UNC45A: variants seen among roughly 807,000 people sequenced by gnomAD.
UNC45A encodes protein unc-45 homolog A.
UNC45A carries 78 observed loss-of-function variants against 103.2 expected under a neutral mutation model. That is an observed-to-expected ratio of 0.76 (90% CI 0.63 to 0.91). The LOEUF (loss-of-function observed/expected upper bound fraction) is 0.91, where lower values mean the gene tolerates loss of function less well. Ranked by LOEUF, UNC45A falls within the 40% of genes least tolerant of loss-of-function variation. UNC45A has a pLI of 0.00. For missense variants in UNC45A, 1,193 were observed against 1,224.8 expected, an observed-to-expected ratio of 0.97 and a Z score of 0.39; for synonymous variants, 495 against 504.6, an observed-to-expected ratio of 0.98 and a Z score of 0.25.
upstream of UNC45A, chr15:90,934,850 T>C (rs2035920750): frequency 1.4e-5 from 6 of 417,600 alleles, no homozygotes; most frequent in South Asian, 4.2e-4. Context: ...GTCCTGAGCT[T>C]TCTCCGGACT....
At chr15:90,930,852 T>A (rs1304419874), upstream of UNC45A, 2 of 219,414 alleles carry the variant, frequency 9.1e-6, no homozygotes, top group Non-Finnish European at 1.9e-5. Flanking sequence ...ACACAATTAG[T>A]CCTGCTTTGC....
Position 90,940,485 on chromosome 15 carries a change from G to A in UNC45A, c.687+12G>A. ...AGCATCAGTCACGGGTAGGTGGAGT[G>A]GAGAGGCTGGTTACAGCTTCAGTCC... On this transcript the variant is annotated intron_variant, in intron 6 of 19. Transcript: ENST00000418476. 6.2e-7 allele frequency: 1 copy of A among 1,605,812 alleles called. No homozygotes were observed. Among genetic ancestry groups the A allele is most frequent in the Non-Finnish European group, 8.5e-7 (1 of 1,174,348 alleles).
At chr15:90,936,537 T>C in intron 4 of UNC45A, 77 bp downstream of exon 4, 1 of 1,501,174 alleles carries the variant, frequency 6.7e-7, no homozygotes, top group South Asian at 1.3e-5. Context: ...GACACAGTTC[T>C]CCAGACGAGA....
At chr15:90,935,462 CGAT>C in intron 1 of UNC45A, 79 bp from the exon 2 acceptor site, 1 of 1,576,054 alleles carries the variant, frequency 6.3e-7, no homozygotes. Flanking sequence ...AGGCTCGCCC[CGAT>C]CCCTCCTCTC....
upstream of UNC45A, chr15:90,931,135 G>GA (rs2151347501): frequency 2.8e-6 from 3 of 1,060,996 alleles, no homozygotes; most frequent in South Asian, 1.6e-5. Flanking sequence ...TTCAGACTGA[G>GA]AAAAAATGCA....
At position 90,935,690 on chromosome 15, in the gene UNC45A, C is replaced by T. The variant is rs2151353687; in HGVS notation, c.198C>T (p.Ala66=). 1 of 1,564,484 alleles carries T rather than the reference C, an allele frequency of 6.4e-7. No homozygotes were observed. The highest frequency in any genetic ancestry group is 2.3e-5 in the East Asian group (1 of 44,432). ...CCGTTCTGCACCGGAACCGGGCCGC[C>T]TGCCACCTCAAGCTGGTGAGGGAGC... The part of the protein sequence containing the change: ...DQAVLHRNRA[A]CHLKLEDYDK... Residue 66 remains alanine, a synonymous_variant, in exon 2 of 20, where the codon GCC becomes GCT. Coordinates refer to ENST00000418476, the MANE Select transcript of UNC45A (RefSeq NM_018671.5).
chr15:90,936,378 T>C lies in UNC45A; in HGVS notation c.344T>C (p.Leu115Pro). The change falls in exon 4 of 20, where the codon CTG (leucine) becomes CCG (proline). Residue 115 changes from leucine to proline, a missense_variant. Physicochemically the swap from Leu to Pro is moderately conservative, Grantham distance 98 (BLOSUM62 -3). Transcript: ENST00000418476. The stretch of plus-strand genomic sequence containing the variant: ...CGCCTGGACCAGGCTGTCCTTGACC[T>C]GCAGAGATGTGTGAGCTTGGAGCCC... ...LGRLDQAVLD[L>P]QRCVSLEPKN... 6.2e-7 allele frequency: 1 copy of C among 1,614,220 alleles called. No homozygotes were observed. The highest frequency in any genetic ancestry group is 1.1e-5 in the South Asian group (1 of 91,086).
chr15:90,950,072 G>A (rs1170446944), intron 15 of UNC45A, 82 bp from the exon 16 acceptor site: 2 of 1,330,906 alleles, frequency 1.5e-6, no homozygotes, highest in East Asian at 2.5e-5. Flanking sequence ...AGGTGAGGGT[G>A]GCACGGTCAG....
At chr15:90,937,831 T>C (rs2036097298) in intron 4 of UNC45A, among the ~76,000 whole-genome samples, 1 of 152,136 alleles carries the variant, frequency 6.6e-6, no homozygotes, top group Non-Finnish European at 1.5e-5. Flanking sequence ...TATTTATTTA[T>C]GTATTTTGAG....
intron 5 of UNC45A, 77 bp from the exon 6 acceptor site, chr15:90,940,229 T>C (rs2036221383): frequency 2.0e-6 from 3 of 1,510,136 alleles, no homozygotes; most frequent in Non-Finnish European, 2.7e-6. Context: ...GGTCCAGGGC[T>C]CGGGGCCCCT....
chr15:90,940,405 G>A lies in UNC45A; in HGVS notation c.619G>A (p.Gly207Arg). Residue 207 changes from glycine to arginine, a missense_variant, in exon 6 of 20, where the codon GGA becomes AGA. Transcript: ENST00000418476. Reference sequence around the variant, plus strand: ...GCTCTTGCAACGTTTACTGGACATGGGAGAGACTGACCTCATGCTGGCGGC... The same window carrying A: ...GCTCTTGCAACGTTTACTGGACATGAGAGAGACTGACCTCATGCTGGCGGC... ...VQLLQRLLDM[G>R]ETDLMLAALR... 2 of 1,614,158 alleles carry A rather than the reference G, an allele frequency of 1.2e-6. No individual in the cohort carries two copies. Among genetic ancestry groups the A allele is most frequent in the Non-Finnish European group, 1.7e-6 (2 of 1,180,000 alleles).
upstream of UNC45A, chr15:90,932,680 G>C: frequency 2.2e-6 from 1 of 447,840 alleles, no homozygotes; most frequent in Admixed American, 4.4e-5. Flanking sequence ...AATTCCTCTG[G>C]AGCTGACCGG....
At chr15:90,936,245 T>C in intron 3 of UNC45A, 40 bp from the exon 4 acceptor site, 1 of 1,583,806 alleles carries the variant, frequency 6.3e-7, no homozygotes, top group Non-Finnish European at 8.6e-7. Context: ...CTGGAGACAG[T>C]GGCCTCATGG....
chr15:90,942,497 A>T lies in UNC45A; in HGVS notation c.748A>T (p.Ser250Cys), dbSNP rs766516930. The T allele has an allele frequency of 6.2e-7, 1 of 1,614,150 alleles. No individual in the cohort carries two copies. Among genetic ancestry groups the T allele is most frequent in the Admixed American group, 1.7e-5 (1 of 60,020 alleles). The change falls in exon 7 of 20, where the codon AGC becomes TGC. Residue 250 changes from serine (S) to cysteine (C), a missense_variant. Transcript: ENST00000418476. ...AGTAGTCTCCATCCTGGGCGTGGAAAGCCAGGCTGTGTCCCTGGCTGCCTG... is the reference window on the plus strand; with the variant it reads ...AGTAGTCTCCATCCTGGGCGTGGAATGCCAGGCTGTGTCCCTGGCTGCCTG... ...RRVVSILGVESQAVSLAACHL... is the reference protein window; with the variant it reads ...RRVVSILGVECQAVSLAACHL...
chr15:90,942,855 G>A, intron 7 of UNC45A, 57 bp from the exon 8 acceptor site: 1 of 1,544,876 alleles, frequency 6.5e-7, no homozygotes. Context: ...AGAAGTTGAA[G>A]GGTCAAACTG....
intron 3 of UNC45A, 135 bp downstream of exon 3, chr15:90,936,117 G>A (rs1347525055): frequency 1.2e-5 from 18 of 1,515,736 alleles, no homozygotes; most frequent in Non-Finnish European, 1.6e-5. Context: ...CCACTGCCTC[G>A]GGCCTTTCCT....
At chr15:90,936,517 C>G in intron 4 of UNC45A, 57 bp downstream of exon 4, 1 of 1,584,040 alleles carries the variant, frequency 6.3e-7, no homozygotes, top group Non-Finnish European at 8.6e-7. Context: ...GGGTCTGGGC[C>G]AGGGGTGTAG....
chr15:90,932,122 G>A (rs1260165625), upstream of UNC45A: 7 of 1,580,364 alleles, frequency 4.4e-6, no homozygotes, highest in Non-Finnish European at 4.3e-6. Context: ...TGACGGGGAG[G>A]GGCAAAGCAG....
chr15:90,931,522 G>C (rs549689339), upstream of UNC45A: 1 of 1,614,188 alleles, frequency 6.2e-7, no homozygotes, highest in African/African-American at 1.3e-5. Flanking sequence ...GAGCTGTCCT[G>C]AAAACTTCCC....
Sources: allele counts gnomAD v4.1 joint callset (sites outside exome capture counted in the v4.1 genomes callset), GRCh38; gene constraint gnomAD v4.1.1; transcripts MANE v1.5; gene names NCBI Gene and HGNC (gene_info 2026-07-23, HGNC 2026-07-21).